PTPRQ: variants seen among roughly 807,000 people sequenced by gnomAD.
PTPRQ encodes the protein protein tyrosine phosphatase receptor type Q, also known as phosphatidylinositol phosphatase PTPRQ.
PTPRQ carries 199 observed loss-of-function variants against 246.0 expected under a neutral mutation model. That is an observed-to-expected ratio of 0.81 (90% CI 0.72 to 0.91). The LOEUF (loss-of-function observed/expected upper bound fraction) is 0.91. PTPRQ is among the 40% of genes least tolerant of loss of function. The pLI is 0.00. For synonymous variants in PTPRQ, 869 were observed against 853.2 expected (o/e 1.02, Z -0.32); for missense variants, 2,624 against 2,528.4 (o/e 1.04, Z -0.81).
intron 8 of PTPRQ, 120 bp from the exon 9 acceptor site, chr12:80,484,313 G>A: frequency 7.8e-7 from 1 of 1,276,188 alleles, no homozygotes; most frequent in Admixed American, 2.8e-5. Context: ...AGCCTAGTCT[G>A]TTTTCTAATA....
At chr12:80,613,481 T>A in intron 28 of PTPRQ, 111 bp from the exon 29 acceptor site, 2 of 1,163,548 alleles carry the variant, frequency 1.7e-6, no homozygotes, top group Non-Finnish European at 2.4e-6. Flanking sequence ...TTTATATGGT[T>A]TAATTTGTGG....
At chr12:80,446,820 T>C (rs1287691361) in intron 3 of PTPRQ, among the ~76,000 whole-genome samples, 1 of 151,922 alleles carries the variant, frequency 6.6e-6, no homozygotes, top group African/African-American at 2.4e-5. Context: ...TTTACCCATA[T>C]GATAGATACT....
At chr12:80,497,311 C>T (rs1239690865) in intron 14 of PTPRQ, among the ~76,000 whole-genome samples, 3 of 151,802 alleles carry the variant, frequency 2.0e-5, no homozygotes, top group Non-Finnish European at 2.9e-5. Flanking sequence ...GCATTAAATT[C>T]TCATAAGAAG....
Position 80,652,545 on chromosome 12 carries a change from C to A in PTPRQ, c.6025-199C>A, listed in dbSNP as rs183863790. Among the ~76,000 whole-genome samples, 110 of 152,040 alleles carry A rather than the reference C, an allele frequency of 7.2e-4. 1 individual carries two copies. The highest frequency in any genetic ancestry group is 5.6e-3 in the Admixed American group (85 of 15,246). Reference sequence around the variant, plus strand: ...CTCCGAAAGAGCAAAACCCAGCTGACCAACTTTATTCAGGATATTTTTGGT... The same window carrying A: ...CTCCGAAAGAGCAAAACCCAGCTGAACAACTTTATTCAGGATATTTTTGGT... On this transcript the variant is annotated intron_variant, in intron 37 of 44. Coordinates refer to ENST00000644991, the MANE Select transcript of PTPRQ (RefSeq NM_001145026.2).
At chr12:80,474,104 T>TA (rs2120555366) in intron 8 of PTPRQ, among the ~76,000 whole-genome samples, 1 of 152,338 alleles carries the variant, frequency 6.6e-6, no homozygotes, top group South Asian at 2.1e-4. Context: ...CTGACACCAC[T>TA]AATTAATCCT....
intron 14 of PTPRQ, among the ~76,000 whole-genome samples, chr12:80,497,060 T>C (rs373007151): frequency 9.2e-5 from 14 of 151,900 alleles, no homozygotes; most frequent in African/African-American, 3.4e-4. Flanking sequence ...GGGGACCAGT[T>C]TCATGGAAGA....
intron 17 of PTPRQ, among the ~76,000 whole-genome samples, chr12:80,531,007 T>A (rs1809945741): frequency 6.6e-6 from 1 of 151,978 alleles, no homozygotes; most frequent in Non-Finnish European, 1.5e-5. Context: ...CTAGGCAACA[T>A]AACAAGACCT....
intron 40 of PTPRQ, 35 bp from the exon 41 acceptor site, chr12:80,669,303 AT>A (rs1565851142): frequency 6.5e-7 from 1 of 1,544,430 alleles, no homozygotes; most frequent in East Asian, 2.4e-5. Flanking sequence ...CAATATAACA[AT>A]GACGCTTATG....
chr12:80,581,680 G>T lies in PTPRQ; in HGVS notation c.4286-6449G>T, dbSNP rs937323339. 6.5e-4 allele frequency among the ~76,000 whole-genome samples: 99 copies of T among 151,642 alleles called. 3 individuals carry two copies. Among genetic ancestry groups the T allele is most frequent in the Admixed American group, 1.2e-3 (18 of 15,206 alleles). Reference sequence around the variant, plus strand: ...TTCCACATAATAAAAACGATCATCAGCAAAATAAAAAGACAAATAACAGAT... The same window carrying T: ...TTCCACATAATAAAAACGATCATCATCAAAATAAAAAGACAAATAACAGAT... On this transcript the variant is annotated intron_variant, in intron 25 of 44. Transcript: ENST00000644991.
At chr12:80,621,817 AC>A (rs1205328023) in intron 32 of PTPRQ, among the ~76,000 whole-genome samples, 1 of 152,024 alleles carries the variant, frequency 6.6e-6, no homozygotes, top group African/African-American at 2.4e-5. Context: ...CTAACTGCTC[AC>A]GAGTTTACCA....
At chr12:80,521,337 CT>C (rs1251335837) in intron 17 of PTPRQ, among the ~76,000 whole-genome samples, 2 of 152,100 alleles carry the variant, frequency 1.3e-5, no homozygotes, top group African/African-American at 2.4e-5. Context: ...ATGGTAGTTT[CT>C]TTTGCTGTGC....
intron 3 of PTPRQ, among the ~76,000 whole-genome samples, chr12:80,451,231 T>C (rs1399244621): frequency 6.7e-6 from 1 of 150,086 alleles, no homozygotes; most frequent in Non-Finnish European, 1.5e-5. Flanking sequence ...AATATCCCCT[T>C]TATCATTTTT....
intron 3 of PTPRQ, among the ~76,000 whole-genome samples, chr12:80,448,460 G>A (rs1014283375): frequency 6.6e-6 from 1 of 152,034 alleles, no homozygotes; most frequent in East Asian, 1.9e-4. Flanking sequence ...GGACATGCTG[G>A]TGTGCTGCAC....
Position 80,548,991 on chromosome 12 carries a change from C to T in PTPRQ, c.4016-474C>T, listed in dbSNP as rs140025513. Among the ~76,000 whole-genome samples the T allele has an allele frequency of 6.8e-3, 1,037 of 152,214 alleles. 36 individuals carry two copies. Among genetic ancestry groups the T allele is most frequent in the East Asian group, 9.8e-3 (51 of 5,180 alleles). ...CAAGATTCTTCCAAAGAAGCCATCCCGGTAAAAACCAGTACCTTTAAATTA... is the reference window on the plus strand; with the variant it reads ...CAAGATTCTTCCAAAGAAGCCATCCTGGTAAAAACCAGTACCTTTAAATTA... On this transcript the variant is annotated intron_variant, in intron 24 of 44. Transcript: ENST00000644991.
At chr12:80,605,935 G>T (rs1232640462) in intron 27 of PTPRQ, among the ~76,000 whole-genome samples, 1 of 150,962 alleles carries the variant, frequency 6.6e-6, no homozygotes, top group Non-Finnish European at 1.5e-5. Flanking sequence ...GTAAAATCAG[G>T]CAAGGAGACA....
intron 26 of PTPRQ, among the ~76,000 whole-genome samples, chr12:80,589,621 A>G (rs1472395988): frequency 6.6e-6 from 1 of 152,178 alleles, no homozygotes; most frequent in East Asian, 1.9e-4. Context: ...TCCTGTTACA[A>G]TTTCCCAGAG....
intron 10 of PTPRQ, among the ~76,000 whole-genome samples, chr12:80,493,930 T>G (rs1190413243): frequency 6.6e-6 from 1 of 152,046 alleles, no homozygotes; most frequent in Admixed American, 6.6e-5. Context: ...ACACTTGCTC[T>G]TCAGTGTCAG....
At chr12:80,477,478 T>C (rs1893849853) in intron 8 of PTPRQ, among the ~76,000 whole-genome samples, 1 of 152,250 alleles carries the variant, frequency 6.6e-6, no homozygotes, top group Non-Finnish European at 1.5e-5. Flanking sequence ...AAAATTATTC[T>C]GTTATTCTGC....
At chr12:80,535,283 T>C (rs1895953954) in intron 19 of PTPRQ, among the ~76,000 whole-genome samples, 1 of 152,060 alleles carries the variant, frequency 6.6e-6, no homozygotes, top group Non-Finnish European at 1.5e-5. Context: ...GTATTAAAAA[T>C]AGTGAATCTG....
Sources: allele counts gnomAD v4.1 joint callset (sites outside exome capture counted in the v4.1 genomes callset), GRCh38; gene constraint gnomAD v4.1.1; transcripts MANE v1.5; gene names NCBI Gene and HGNC (gene_info 2026-07-23, HGNC 2026-07-21).